Variants in SLC6A13 observed in about 807,000 individuals in gnomAD.
The protein encoded by SLC6A13 is sodium- and chloride-dependent GABA transporter 2.
A neutral mutation model predicts 72.9 loss-of-function variants in SLC6A13; 69 were observed. The ratio of observed to expected loss-of-function variants is 0.95; its 90% CI spans 0.78 to 1.16. The LOEUF (loss-of-function observed/expected upper bound fraction) is 1.16, where lower values mean the gene tolerates loss of function less well. Among genes scored for constraint, SLC6A13 ranks in the 50% most tolerant of loss-of-function variants. SLC6A13 has a pLI of 0.00. For missense variants in SLC6A13, 735 were observed against 760.5 expected (o/e 0.97, Z 0.39); for synonymous variants, 303 against 303.0 (o/e 1.00, Z 0.00).
intron 2 of SLC6A13, among the ~76,000 whole-genome samples, chr12:247,817 G>T (rs974693132): frequency 2.0e-5 from 3 of 152,034 alleles, no homozygotes; most frequent in African/African-American, 7.2e-5. Context: ...GAGCACAAAG[G>T]TTAGGAGGAA....
intron 10 of SLC6A13, 103 bp downstream of exon 10, chr12:224,298 T>C: frequency 7.5e-7 from 1 of 1,334,592 alleles, no homozygotes; most frequent in Non-Finnish European, 1.1e-6. Context: ...AGCTCCTGTG[T>C]CCCCAAAAGG....
chr12:259,614 T>G, intron 2 of SLC6A13: 1 of 1,420,720 alleles, frequency 7.0e-7, no homozygotes, highest in Non-Finnish European at 9.2e-7. Flanking sequence ...ATCCACCTGG[T>G]TCCAGCTTGT....
At chr12:249,131 C>A (rs986796331) in intron 2 of SLC6A13, among the ~76,000 whole-genome samples, 1 of 151,956 alleles carries the variant, frequency 6.6e-6, no homozygotes, top group African/African-American at 2.4e-5. Context: ...TAAAGCAGTA[C>A]CTAGGAGATT....
rs1466681146 is a variant in SLC6A13, at chr12:254,999, C to CAACAA, written c.202+4847_202+4851dup. ...CCCTCTCTATTAAAAACAACAACAA[C>CAACAA]AACAAAACAAAACACAAAACCTTGC... On this transcript the variant is annotated intron_variant, in intron 2 of 14. Transcript: ENST00000343164. The surrounding 1 kb of genome is among the most constrained non-coding windows in gnomAD (Gnocchi z 4.4). Among the ~76,000 whole-genome samples the CAACAA allele has an allele frequency of 1.3e-5, 2 of 151,940 alleles. No homozygotes were observed. The highest frequency in any genetic ancestry group is 2.4e-5 in the African/African-American group (1 of 41,350).
chr12:248,482 C>T (rs1246501925), intron 2 of SLC6A13, among the ~76,000 whole-genome samples: 1 of 148,850 alleles, frequency 6.7e-6, no homozygotes, highest in African/African-American at 2.5e-5. Context: ...TAATGTCACA[C>T]AAAGTAAACT....
chr12:221,260 G>C, intron 14 of SLC6A13, 116 bp downstream of exon 14: 1 of 1,309,716 alleles, frequency 7.6e-7, no homozygotes. Flanking sequence ...TGACACCCAG[G>C]CTGGGCCCAC....
chr12:239,597 T>C (rs1942090402), intron 4 of SLC6A13, among the ~76,000 whole-genome samples: 1 of 152,278 alleles, frequency 6.6e-6, no homozygotes, highest in African/African-American at 2.4e-5. Context: ...CATGTGCTGC[T>C]GCTTTCTAAG....
At position 259,869 on chromosome 12, in the gene SLC6A13, A is replaced by G; in HGVS notation, c.184T>C (p.Cys62Arg). Residue 62 changes from cysteine (C) to arginine (R), a missense_variant, in exon 2 of 15, where the codon TGC (cysteine) becomes CGC (arginine). Coordinates refer to ENST00000343164, the MANE Select transcript of SLC6A13 (RefSeq NM_016615.5). Reference sequence around the variant, plus strand: ...ATCTCACCTCCCCCATTTTTGTAGCAGAGATAGGGAAACCTCCAGACGTTG... The same window carrying G: ...ATCTCACCTCCCCCATTTTTGTAGCGGAGATAGGGAAACCTCCAGACGTTG... ...LGNVWRFPYL[C>R]YKNGGGAFFI... 1 of 1,614,190 alleles carries G rather than the reference A, an allele frequency of 6.2e-7. No homozygotes were observed. Among genetic ancestry groups the G allele is most frequent in the Non-Finnish European group, 8.5e-7 (1 of 1,180,018 alleles).
intron 7 of SLC6A13, among the ~76,000 whole-genome samples, chr12:231,547 G>C (rs565791010): frequency 2.6e-5 from 4 of 152,274 alleles, no homozygotes; most frequent in South Asian, 2.1e-4. Context: ...ACTTGGACCA[G>C]GCAGAGAAGA....
At chr12:262,361 G>C (rs1942953225) in intron 1 of SLC6A13, among the ~76,000 whole-genome samples, 1 of 152,220 alleles carries the variant, frequency 6.6e-6, no homozygotes, top group South Asian at 2.1e-4. Context: ...ATCTGTAAAA[G>C]TGGGGATGAT....
chr12:259,983 T>C lies in SLC6A13; in HGVS notation c.70A>G (p.Lys24Glu). Residue 24 changes from lysine (K) to glutamate (E), a missense_variant, in exon 2 of 15, where the codon AAG becomes GAG. Coordinates refer to ENST00000343164, the MANE Select transcript of SLC6A13 (RefSeq NM_016615.5). Reference protein sequence around the residue: ...TKPVYPVMEKKEEDGTLERGH... With the variant: ...TKPVYPVMEKEEEDGTLERGH... ...CGCTCCAGGGTGCCATCTTCCTCCT[T>C]CTTTTCCATGACTGGATACACTGGT... 6.2e-7 allele frequency: 1 copy of C among 1,614,192 alleles called. No individual in the cohort carries two copies. The highest frequency in any genetic ancestry group is 8.5e-7 in the Non-Finnish European group (1 of 1,180,020).
chr12:233,948 G>C (rs1442793839), intron 7 of SLC6A13, among the ~76,000 whole-genome samples: 2 of 152,132 alleles, frequency 1.3e-5, no homozygotes, highest in Non-Finnish European at 2.9e-5. Context: ...CAGGAGGTAA[G>C]GCATTCTAAG....
At position 240,268 on chromosome 12, in the gene SLC6A13, A is replaced by G. The variant is rs891784468; in HGVS notation, c.479-2258T>C. ...ACCCAGGCTGGAGTGCAGTGGCACAATCTCGGCTCACTGCAACCTCCACCT... is the reference window on the plus strand; with the variant it reads ...ACCCAGGCTGGAGTGCAGTGGCACAGTCTCGGCTCACTGCAACCTCCACCT... On this transcript the variant is annotated intron_variant, in intron 4 of 14. Coordinates refer to ENST00000343164, the MANE Select transcript of SLC6A13 (RefSeq NM_016615.5). Among the ~76,000 whole-genome samples, 61 of 152,304 alleles carry G rather than the reference A, an allele frequency of 4.0e-4. 2 individuals carry two copies. Among genetic ancestry groups the G allele is most frequent in the Admixed American group, 2.8e-3 (43 of 15,306 alleles).
rs761172524 is a variant in SLC6A13, at chr12:226,504, C to A, written c.946G>T (p.Ala316Ser). The A allele has an allele frequency of 6.2e-7, 1 of 1,613,694 alleles. No homozygotes were observed. Among genetic ancestry groups the A allele is most frequent in the Non-Finnish European group, 8.5e-7 (1 of 1,179,746 alleles). Residue 316 changes from alanine to serine, a missense_variant, in exon 9 of 15, where the codon GCC becomes TCC. By Grantham distance (99) the Ala-to-Ser change is moderately conservative. Coordinates refer to ENST00000343164, the MANE Select transcript of SLC6A13 (RefSeq NM_016615.5). ...YHNNCYRDCI[A>S]LCFLNSGTSF... The stretch of plus-strand genomic sequence containing the variant: ...GTGCCGCTGTTGAGGAAGCAGAGGG[C>A]GATGCAGTCCCTGTGGGGCAGGGGT...
intron 13 of SLC6A13, 38 bp from the exon 14 acceptor site, chr12:221,584 G>A (rs754068679): frequency 2.7e-5 from 37 of 1,375,364 alleles, no homozygotes; most frequent in Admixed American, 6.4e-5. Context: ...GTTGGGGGGC[G>A]GGGGCCTTGT....
At position 220,946 on chromosome 12, in the gene SLC6A13, C is replaced by A. The variant is rs1043897359; in HGVS notation, c.*2G>T. The A allele has an allele frequency of 3.1e-6, 5 of 1,612,224 alleles. No homozygotes were observed. Among genetic ancestry groups the A allele is most frequent in the Non-Finnish European group, 4.2e-6 (5 of 1,179,904 alleles). Reference sequence around the variant, plus strand: ...CACAGGCACCATCCAAGGGCCTGCCCCCTAGCAGTGAGACTCTAGCTCTGT... The same window carrying A: ...CACAGGCACCATCCAAGGGCCTGCCACCTAGCAGTGAGACTCTAGCTCTGT... On this transcript the variant is annotated 3_prime_UTR_variant, in exon 15 of 15. Transcript: ENST00000343164.
intron 10 of SLC6A13, 115 bp from the exon 11 acceptor site, chr12:224,244 C>T: frequency 6.8e-7 from 1 of 1,464,884 alleles, no homozygotes; most frequent in Non-Finnish European, 9.4e-7. Context: ...TCTCAGGTCC[C>T]CTGAGCTATT....
intron 2 of SLC6A13, among the ~76,000 whole-genome samples, chr12:252,949 C>T (rs772693915): frequency 5.1e-5 from 7 of 136,162 alleles, no homozygotes; most frequent in South Asian, 5.5e-4. Context: ...TGAGAGGGGT[C>T]GGGGTGGGAG....
At chr12:229,209 A>G (rs562777827) in intron 7 of SLC6A13, among the ~76,000 whole-genome samples, 60 of 152,294 alleles carry the variant, frequency 3.9e-4, no homozygotes, top group African/African-American at 1.4e-3. Context: ...AAATGCAAGA[A>G]AAGGACAGGG....
Sources: allele counts gnomAD v4.1 joint callset (sites outside exome capture counted in the v4.1 genomes callset), GRCh38; gene constraint gnomAD v4.1.1; non-coding constraint Gnocchi (gnomAD v3.1); transcripts MANE v1.5; gene names NCBI Gene and HGNC (gene_info 2026-07-23, HGNC 2026-07-21).